KCNJ1: variants seen among roughly 807,000 people sequenced by gnomAD.
KCNJ1 encodes potassium inwardly rectifying channel subfamily J member 1.
In KCNJ1, 24 loss-of-function variants were observed where a neutral mutation model predicts 21.9. The ratio of observed to expected loss-of-function variants is 1.10; its 90% CI spans 0.79 to 1.54. The LOEUF is 1.54. Ranked by LOEUF, KCNJ1 falls within the 40% of genes most tolerant of loss-of-function variation. The pLI, the probability that KCNJ1 is intolerant of heterozygous loss-of-function variation, is 0.00. For synonymous variants in KCNJ1, 152 were observed against 160.9 expected (o/e 0.94, Z 0.42); for missense variants, 457 against 455.4 (o/e 1.00, Z -0.03).
chr11:128,848,149 G>A (rs946171334), intron 2 of KCNJ1, among the ~76,000 whole-genome samples: 8 of 152,016 alleles, frequency 5.3e-5, no homozygotes, highest in South Asian at 2.1e-4. Context: ...TTAGCCGGGC[G>A]TGGTGGCGGG....
intron 1 of KCNJ1, among the ~76,000 whole-genome samples, chr11:128,860,122 G>C (rs1289535660): frequency 6.6e-6 from 1 of 152,250 alleles, no homozygotes; most frequent in Non-Finnish European, 1.5e-5. Flanking sequence ...AGACCGGGCA[G>C]GAGCCAGGCC....
chr11:128,843,877 A>G (rs1442338587), intron 2 of KCNJ1, among the ~76,000 whole-genome samples: 2 of 152,194 alleles, frequency 1.3e-5, no homozygotes, highest in African/African-American at 4.8e-5. Flanking sequence ...CCTTGTTATC[A>G]TGCAACTCCC....
intron 2 of KCNJ1, among the ~76,000 whole-genome samples, chr11:128,844,695 T>A (rs1446013703): frequency 1.3e-5 from 2 of 152,140 alleles, no homozygotes; most frequent in Non-Finnish European, 2.9e-5. Flanking sequence ...GAACAATTCA[T>A]TCAGAATTTG....
At chr11:128,851,245 G>A (rs1464981362) in intron 1 of KCNJ1, among the ~76,000 whole-genome samples, 3 of 152,142 alleles carry the variant, frequency 2.0e-5, no homozygotes, top group Non-Finnish European at 4.4e-5. Flanking sequence ...TACACATCTA[G>A]ATATATAATT....
chr11:128,862,748 C>T (rs781122058), intron 1 of KCNJ1, among the ~76,000 whole-genome samples: 4 of 152,180 alleles, frequency 2.6e-5, no homozygotes, highest in Non-Finnish European at 5.9e-5. Flanking sequence ...ATGCCTGTGG[C>T]TTATCTCTGA....
In KCNJ1 at chr11:128,839,500, T is replaced by C. The variant is rs1943234879; in HGVS notation, c.744A>G (p.Thr248=). 1.2e-6 allele frequency: 2 copies of C among 1,614,182 alleles called. No homozygotes were observed. Among genetic ancestry groups the C allele is most frequent in the South Asian group, 2.2e-5 (2 of 91,082 alleles). The change falls in exon 3 of 3, where the codon ACA becomes ACG. Residue 248 remains threonine, a synonymous_variant. Transcript: ENST00000392666. ...TGTTGTGATCAATGACATGGTAAATTGTCAATGGGGAGATGAAGAATAAAT... is the reference window on the plus strand; with the variant it reads ...TGTTGTGATCAATGACATGGTAAATCGTCAATGGGGAGATGAAGAATAAAT... The part of the protein sequence containing the change: ...NENLFFISPL[T]IYHVIDHNSP...
intron 1 of KCNJ1, among the ~76,000 whole-genome samples, chr11:128,858,041 G>GA (rs1458317481): frequency 1.3e-5 from 2 of 150,880 alleles, no homozygotes; most frequent in African/African-American, 4.9e-5. Flanking sequence ...AGAAACTGAA[G>GA]AAAATGTAGA....
rs543010989 is a variant in KCNJ1 at position 128,851,246 on chromosome 11, A to G, written c.-191-356T>C. Among the ~76,000 whole-genome samples, 35 of 152,350 alleles carry G rather than the reference A, an allele frequency of 2.3e-4. No individual in the cohort carries two copies. The South Asian group carries it at 7.1e-3, about 31-fold the overall frequency. ...TGAAAATATCATTGTACACATCTAG[A>G]TATATAATTCCATATTGAAATCACT... On this transcript the variant is annotated intron_variant, in intron 1 of 2. Coordinates refer to ENST00000392666, the MANE Select transcript of KCNJ1 (RefSeq NM_153766.3).
At chr11:128,842,010 A>G (rs936341389) in intron 2 of KCNJ1, among the ~76,000 whole-genome samples, 14 of 152,216 alleles carry the variant, frequency 9.2e-5, no homozygotes, top group African/African-American at 3.1e-4. Flanking sequence ...GTCTACACCC[A>G]TGTGGACTGA....
At chr11:128,853,507 C>T (rs7128935) in intron 1 of KCNJ1, among the ~76,000 whole-genome samples, 2,459 of 152,120 alleles carry the variant, frequency 0.016, 55 homozygotes, top group African/African-American at 0.051. Flanking sequence ...GGGGAAGAGG[C>T]GGATGGGGAG....
chr11:128,865,542 C>T (rs1943803427), intron 1 of KCNJ1, among the ~76,000 whole-genome samples: 1 of 152,182 alleles, frequency 6.6e-6, no homozygotes, highest in South Asian at 2.1e-4. Context: ...ATAGTCATCA[C>T]TGGCATCTTA....
chr11:128,847,044 A>G (rs1943394667), intron 2 of KCNJ1, among the ~76,000 whole-genome samples: 1 of 152,168 alleles, frequency 6.6e-6, no homozygotes. Context: ...TTTCCCCAGA[A>G]CAGCTTTAGT....
At chr11:128,843,434 G>C (rs902389722) in intron 2 of KCNJ1, among the ~76,000 whole-genome samples, 1 of 152,134 alleles carries the variant, frequency 6.6e-6, no homozygotes, top group Non-Finnish European at 1.5e-5. Flanking sequence ...CAAAACAAGC[G>C]GATTACATTA....
At chr11:128,853,431 T>C (rs1169301857) in intron 1 of KCNJ1, among the ~76,000 whole-genome samples, 2 of 152,176 alleles carry the variant, frequency 1.3e-5, no homozygotes, top group Admixed American at 1.3e-4. Context: ...TGATTCCATG[T>C]AGATGAGATG....
chr11:128,864,209 C>T (rs984477243), intron 1 of KCNJ1, among the ~76,000 whole-genome samples: 1 of 151,492 alleles, frequency 6.6e-6, no homozygotes, highest in African/African-American at 2.4e-5. Flanking sequence ...GCCTCAGCCC[C>T]CTGAGAAGCT....
intron 1 of KCNJ1, among the ~76,000 whole-genome samples, chr11:128,860,625 A>C (rs1943688524): frequency 6.6e-6 from 1 of 152,174 alleles, no homozygotes; most frequent in South Asian, 2.1e-4. Flanking sequence ...CTTGTAACCC[A>C]CATCAGCTGG....
intron 2 of KCNJ1, among the ~76,000 whole-genome samples, chr11:128,847,625 T>C (rs2135947637): frequency 6.6e-6 from 1 of 152,350 alleles, no homozygotes. Context: ...AAGATAACTA[T>C]ACTCTGACCA....
intron 2 of KCNJ1, among the ~76,000 whole-genome samples, chr11:128,848,947 T>C (rs962426720): frequency 6.6e-6 from 1 of 152,162 alleles, no homozygotes; most frequent in Non-Finnish European, 1.5e-5. Flanking sequence ...GCGGCCAGAA[T>C]GGGCTTCTGT....
chr11:128,856,734 T>C (rs973511216), intron 1 of KCNJ1, among the ~76,000 whole-genome samples: 1 of 152,124 alleles, frequency 6.6e-6, no homozygotes, highest in Non-Finnish European at 1.5e-5. Context: ...TTTCTTCCTC[T>C]CACCTCACAC....
Sources: allele counts gnomAD v4.1 joint callset (sites outside exome capture counted in the v4.1 genomes callset), GRCh38; gene constraint gnomAD v4.1.1; transcripts MANE v1.5; gene names NCBI Gene and HGNC (gene_info 2026-07-23, HGNC 2026-07-21).